ZNF329: variants seen among roughly 807,000 people sequenced by gnomAD.
ZNF329 encodes zinc finger protein 329.
ZNF329 carries 15 observed loss-of-function variants against 26.6 expected under a neutral mutation model. The ratio of observed to expected loss-of-function variants is 0.56; its 90% CI spans 0.38 to 0.87. The LOEUF (loss-of-function observed/expected upper bound fraction) is 0.87, where lower values mean the gene tolerates loss of function less well. Ranked by LOEUF, ZNF329 falls within the 40% of genes least tolerant of loss-of-function variation. The pLI is 0.00. For synonymous variants in ZNF329, 239 were observed against 233.5 expected (o/e 1.02, Z -0.21); for missense variants, 651 against 651.9 (o/e 1.00, Z 0.02).
chr19:58,126,749 G>A lies in ZNF329; in HGVS notation c.*1129C>T. ...GCTCACTGCAACCTCCACCTCCCAGGTTCAAGCAATTCTCCTGCCTCAGCT... is the reference window on the plus strand; with the variant it reads ...GCTCACTGCAACCTCCACCTCCCAGATTCAAGCAATTCTCCTGCCTCAGCT... On this transcript the variant is annotated 3_prime_UTR_variant, in exon 4 of 4. Transcript: ENST00000598312. 6.6e-6 allele frequency: 1 copy of A among 152,412 alleles called. No individual in the cohort carries two copies. The highest frequency in any genetic ancestry group is 1.5e-5 in the Non-Finnish European group (1 of 68,144). 9.4% of individuals were successfully genotyped at this position (152,412 alleles called of 1,614,324 possible). A position where few individuals can be genotyped will look rare whatever the true frequency, so the allele number is the denominator to read the frequency against.
At chr19:58,131,964 A>G (rs2074954781) in intron 3 of ZNF329, among the ~76,000 whole-genome samples, 1 of 150,172 alleles carries the variant, frequency 6.7e-6, no homozygotes, top group Admixed American at 6.7e-5. Flanking sequence ...CAGAGCTTGC[A>G]GTGAGCCGCG....
At chr19:58,138,173 C>T (rs374799984) in intron 3 of ZNF329, among the ~76,000 whole-genome samples, 1 of 151,950 alleles carries the variant, frequency 6.6e-6, no homozygotes, top group Non-Finnish European at 1.5e-5. Context: ...TAGAAGACAG[C>T]GCCCTTACAC....
chr19:58,152,124 A>G (rs1356553627), upstream of ZNF329, among the ~76,000 whole-genome samples: 1 of 152,240 alleles, frequency 6.6e-6, no homozygotes, highest in East Asian at 1.9e-4. Flanking sequence ...CAAAAGCAAT[A>G]AAGGATCTTC....
intron 3 of ZNF329, among the ~76,000 whole-genome samples, chr19:58,139,793 G>T (rs972672217): frequency 1.3e-5 from 2 of 152,076 alleles, no homozygotes; most frequent in Admixed American, 1.3e-4. Flanking sequence ...AATATCATTA[G>T]GTATTCGGGA....
chr19:58,141,262 C>G (rs1442809118), intron 3 of ZNF329, among the ~76,000 whole-genome samples: 3 of 151,818 alleles, frequency 2.0e-5, no homozygotes, highest in Non-Finnish European at 4.4e-5. Context: ...TTCCAAAGTG[C>G]TGGGATTACA....
At chr19:58,129,972 T>A (rs568235383) in intron 3 of ZNF329, among the ~76,000 whole-genome samples, 1 of 152,338 alleles carries the variant, frequency 6.6e-6, no homozygotes, top group Admixed American at 6.5e-5. Context: ...CATTCATGGA[T>A]AGGACAAAGC....
intron 1 of ZNF329, among the ~76,000 whole-genome samples, chr19:58,150,193 C>G (rs2075417666): frequency 6.6e-6 from 1 of 152,200 alleles, no homozygotes. Flanking sequence ...GCGGCCCTCA[C>G]TGAGAATTGC....
At chr19:58,139,330 A>T (rs1443163100) in intron 3 of ZNF329, among the ~76,000 whole-genome samples, 1 of 152,186 alleles carries the variant, frequency 6.6e-6, no homozygotes, top group Non-Finnish European at 1.5e-5. Flanking sequence ...ACAAAAACCC[A>T]ATTTTTAGAA....
At chr19:58,140,677 A>G (rs368962632) in intron 3 of ZNF329, among the ~76,000 whole-genome samples, 2 of 151,700 alleles carry the variant, frequency 1.3e-5, no homozygotes, top group East Asian at 2.0e-4. Context: ...GGCCTCCCAA[A>G]GCGCTGGGAT....
rs150255389 is a variant in ZNF329, at chr19:58,143,160, C to T, written c.-169G>A. On this transcript the variant is annotated 5_prime_UTR_variant, in exon 2 of 4. Coordinates refer to ENST00000598312, the MANE Select transcript of ZNF329 (RefSeq NM_024620.4). ...GCTCAAGGCTGCAGTGAGCTGTGATCGTGCCACTGCACTCCAGCCTGGGTG... is the reference window on the plus strand; with the variant it reads ...GCTCAAGGCTGCAGTGAGCTGTGATTGTGCCACTGCACTCCAGCCTGGGTG... 2,266 of 152,252 alleles carry T rather than the reference C, an allele frequency of 0.015. 22 individuals are homozygous for T. Among genetic ancestry groups the T allele is most frequent in the Middle Eastern group, 0.048 (14 of 294 alleles). The allele number at this position is 152,252 out of a possible 1,614,324, so 9.4% of individuals were successfully genotyped here.
chr19:58,144,334 G>A (rs1042137009), intron 1 of ZNF329, among the ~76,000 whole-genome samples: 4 of 138,638 alleles, frequency 2.9e-5, no homozygotes, highest in Non-Finnish European at 4.6e-5. Flanking sequence ...GCCACCACAC[G>A]CAGCTAATTT....
In ZNF329 at chr19:58,127,957, C is replaced by T; in HGVS notation, c.1547G>A (p.Cys516Tyr). The T allele has an allele frequency of 6.2e-7, 1 of 1,613,922 alleles. No individual in the cohort carries two copies. The highest frequency in any genetic ancestry group is 8.5e-7 in the Non-Finnish European group (1 of 1,179,942). Residue 516 changes from cysteine (C) to tyrosine (Y), a missense_variant, in exon 4 of 4, where the codon TGT becomes TAT. By Grantham distance (194) the Cys-to-Tyr change is radical (BLOSUM62 -2). Coordinates refer to ENST00000598312, the MANE Select transcript of ZNF329 (RefSeq NM_024620.4). ...TGAGCTCTTTTGGAACATTTTTCCA[C>T]ACTGAGGACACCGGCTGGGACCCTC... ...SREGPSRCPQ[C>Y]GKMFQKSSSL...
intron 3 of ZNF329, among the ~76,000 whole-genome samples, chr19:58,140,874 AT>A (rs34583536): frequency 0.034 from 4,605 of 133,888 alleles, 253 homozygotes; most frequent in African/African-American, 0.12. Flanking sequence ...ATCACACATA[AT>A]TTTTTTTTTT....
rs1375370194 is a variant in ZNF329 at position 58,128,846 on chromosome 19, A to G, written c.658T>C (p.Leu220=). 1 of 1,611,078 alleles carries G rather than the reference A, an allele frequency of 6.2e-7. No homozygotes were observed. Among genetic ancestry groups the G allele is most frequent in the East Asian group, 2.2e-5 (1 of 44,870 alleles). The part of the protein sequence containing the change: ...KCFKRNSSLV[L]HHRTHTGEKP... ...TCTCCGGTGTGAGTTCGGTGATGCA[A>G]AACAAGAGAAGAGTTCCGTTTGAAG... is the stretch of plus-strand genomic sequence containing the variant. Residue 220 remains leucine (L), a synonymous_variant, in exon 4 of 4, where the codon TTG becomes CTG. Coordinates refer to ENST00000598312, the MANE Select transcript of ZNF329 (RefSeq NM_024620.4).
At chr19:58,153,280 T>C (rs1041978388), upstream of ZNF329, among the ~76,000 whole-genome samples, 2 of 152,116 alleles carry the variant, frequency 1.3e-5, no homozygotes, top group African/African-American at 4.8e-5. Context: ...CGGCTAATTT[T>C]TGTATTTTTA....
chr19:58,150,600 T>C (rs1321340290), intron 1 of ZNF329, among the ~76,000 whole-genome samples, 152 bp downstream of exon 1: 2 of 152,212 alleles, frequency 1.3e-5, no homozygotes, highest in African/African-American at 4.8e-5. Flanking sequence ...ACCCTCGCCC[T>C]AGCGGGCCCG....
chr19:58,141,225 G>A (rs1221344250), intron 3 of ZNF329, among the ~76,000 whole-genome samples: 1 of 151,570 alleles, frequency 6.6e-6, no homozygotes, highest in Non-Finnish European at 1.5e-5. Context: ...TGAACTCCTG[G>A]GCTCAAGCAA....
chr19:58,137,342 T>C (rs1210828857), intron 3 of ZNF329, among the ~76,000 whole-genome samples: 1 of 151,916 alleles, frequency 6.6e-6, no homozygotes, highest in Non-Finnish European at 1.5e-5. Context: ...TCACCTGAGG[T>C]CAGGCATTCG....
intron 3 of ZNF329, among the ~76,000 whole-genome samples, chr19:58,134,557 A>C (rs1319880855): frequency 1.3e-5 from 2 of 152,176 alleles, no homozygotes; most frequent in African/African-American, 2.4e-5. Context: ...ATGCCAAACA[A>C]AGAAGGGTTT....
Sources: gnomAD v4.1 joint callset for allele counts (sites outside exome capture counted in the v4.1 genomes callset) on GRCh38, gnomAD v4.1.1 for gene constraint, MANE v1.5 for transcripts, NCBI Gene and HGNC (gene_info 2026-07-23, HGNC 2026-07-21) for gene names.